DLG2: variants seen among roughly 807,000 people sequenced by gnomAD.
The protein encoded by DLG2 is disks large homolog 2.
In DLG2, 45 loss-of-function variants were observed where a neutral mutation model predicts 132.5. The observed-to-expected ratio is 0.34, with a 90% CI of 0.27 to 0.44. The LOEUF is 0.44. DLG2 is among the 20% of genes least tolerant of loss of function. DLG2 has a pLI of 1.00. For missense variants in DLG2, 1,045 were observed against 1,196.9 expected, an observed-to-expected ratio of 0.87 and a Z score of 1.87; for synonymous variants, 424 against 419.6, an observed-to-expected ratio of 1.01 and a Z score of -0.13.
rs189103053 is a variant in DLG2 at position 84,748,177 on chromosome 11, C to T, written c.358-213446G>A. Among the ~76,000 whole-genome samples the T allele has an allele frequency of 2.7e-4, 41 of 152,280 alleles. 1 individual carries two copies. The highest frequency in any genetic ancestry group is 8.9e-4 in the African/African-American group (37 of 41,566). ...GGAAATCATGTGTGAGAAATCTGCT[C>T]TCTTTTTCAGAGACAAGGTGCATTC... On this transcript the variant is annotated intron_variant, in intron 6 of 27. Transcript: ENST00000376104.
chr11:84,373,356 G>A (rs1381911031), intron 7 of DLG2, among the ~76,000 whole-genome samples: 1 of 149,964 alleles, frequency 6.7e-6, no homozygotes, highest in African/African-American at 2.5e-5. Context: ...GATCACCTAA[G>A]CTCAGGAGTT....
chr11:84,029,369 G>A (rs2095628566), intron 11 of DLG2, among the ~76,000 whole-genome samples: 1 of 151,770 alleles, frequency 6.6e-6, no homozygotes, highest in African/African-American at 2.4e-5. Flanking sequence ...AGAAGCAAAG[G>A]ACACATCATC....
chr11:84,363,747 G>A (rs1600679329), intron 7 of DLG2, among the ~76,000 whole-genome samples: 1 of 151,434 alleles, frequency 6.6e-6, no homozygotes, highest in Non-Finnish European at 1.5e-5. Flanking sequence ...AGTTTTCCCA[G>A]CACCATTTAT....
chr11:84,814,846 A>G (rs962354097), intron 6 of DLG2, among the ~76,000 whole-genome samples: 1 of 152,096 alleles, frequency 6.6e-6, no homozygotes, highest in African/African-American at 2.4e-5. Flanking sequence ...ATATGGAAAG[A>G]GGTTATTTGC....
At chr11:83,903,239 C>T (rs61901820) in intron 15 of DLG2, among the ~76,000 whole-genome samples, 30,088 of 151,548 alleles carry the variant, frequency 0.2, 3,116 homozygotes, top group East Asian at 0.35. Flanking sequence ...AGTAAACTCC[C>T]TAATAATTAG....
chr11:85,583,915 T>G (rs1303696883), intron 3 of DLG2, among the ~76,000 whole-genome samples: 2 of 152,302 alleles, frequency 1.3e-5, no homozygotes, highest in Admixed American at 6.5e-5. Flanking sequence ...TTTTAATGTG[T>G]TTATGATTTT....
At chr11:85,111,635 G>C in intron 6 of DLG2, 26 bp downstream of exon 6, 1 of 1,513,846 alleles carries the variant, frequency 6.6e-7, no homozygotes, top group Non-Finnish European at 8.9e-7. Context: ...CCTTCAATCT[G>C]CTAATCTTGG....
chr11:83,926,662 A>T (rs1237890376), intron 15 of DLG2, among the ~76,000 whole-genome samples: 1 of 152,164 alleles, frequency 6.6e-6, no homozygotes, highest in Non-Finnish European at 1.5e-5. Context: ...AGGTGTAATA[A>T]GACGTAGACT....
chr11:83,668,715 GTGTATATAAACACATATATA>G (rs1306992102), intron 18 of DLG2, among the ~76,000 whole-genome samples: 33 of 98,834 alleles, frequency 3.3e-4, no homozygotes, highest in Admixed American at 6.9e-4. Flanking sequence ...ACATATATAT[GTGTATATAAACACATATATA>G]TGTGTATATA....
intron 14 of DLG2, among the ~76,000 whole-genome samples, chr11:83,954,867 T>G (rs906894059): frequency 1.3e-5 from 2 of 152,206 alleles, no homozygotes; most frequent in African/African-American, 2.4e-5. Context: ...TCATAAAAAT[T>G]AAGATTCTCA....
At chr11:83,484,034 G>C in intron 22 of DLG2, 95 bp downstream of exon 22, 2 of 961,794 alleles carry the variant, frequency 2.1e-6, no homozygotes, top group South Asian at 2.6e-5. Flanking sequence ...TGTTTGCCTA[G>C]GTGTGTGGCG....
At chr11:84,176,934 CTTTTA>C (rs752995444) in intron 8 of DLG2, among the ~76,000 whole-genome samples, 55 of 150,176 alleles carry the variant, frequency 3.7e-4, no homozygotes, top group Middle Eastern at 3.2e-3. Context: ...CTTTTCTTTT[CTTTTA>C]TTTTCTTTCT....
chr11:83,574,529 T>C (rs1486276829), intron 19 of DLG2, among the ~76,000 whole-genome samples: 1 of 152,200 alleles, frequency 6.6e-6, no homozygotes, highest in Non-Finnish European at 1.5e-5. Context: ...ATTTCTCAAG[T>C]CACCTTTGTA....
At chr11:85,393,607 T>C (rs1596843682) in intron 3 of DLG2, among the ~76,000 whole-genome samples, 1 of 131,590 alleles carries the variant, frequency 7.6e-6, no homozygotes, top group South Asian at 2.3e-4. Context: ...AAATGTGGTA[T>C]ATATATATAT....
chr11:85,445,955 GC>G (rs1243184473), intron 3 of DLG2, among the ~76,000 whole-genome samples: 3 of 152,050 alleles, frequency 2.0e-5, no homozygotes, highest in Admixed American at 6.6e-5. Flanking sequence ...GAAATTTTAG[GC>G]ACAGAGATAT....
At chr11:84,197,599 A>G (rs2096538869) in intron 8 of DLG2, among the ~76,000 whole-genome samples, 1 of 152,210 alleles carries the variant, frequency 6.6e-6, no homozygotes, top group Non-Finnish European at 1.5e-5. Flanking sequence ...GTGCCTAAGC[A>G]GAAGGTATTT....
chr11:83,526,085 G>A (rs1452734712), intron 21 of DLG2, among the ~76,000 whole-genome samples: 1 of 152,122 alleles, frequency 6.6e-6, no homozygotes, highest in African/African-American at 2.4e-5. Context: ...TTGATTTTGG[G>A]AGTTTGCTAT....
In DLG2 at chr11:84,703,857, G is replaced by GATATATATATATATATATATAT. The variant is rs5793132; in HGVS notation, c.358-169148_358-169127dup. On this transcript the variant is annotated intron_variant, in intron 6 of 27. Transcript: ENST00000376104. Reference sequence around the variant, plus strand: ...AATAATGCTAAAACTATGTAGTGAAGATATATATATATATATATATATATA... The same window carrying GATATATATATATATATATATAT: ...AATAATGCTAAAACTATGTAGTGAAGATATATATATATATATATATATATATATATATATATATATATATATA... Among the ~76,000 whole-genome samples the GATATATATATATATATATATAT allele has an allele frequency of 3.0e-3, 312 of 102,564 alleles. 2 individuals are homozygous for GATATATATATATATATATATAT. Among genetic ancestry groups the GATATATATATATATATATATAT allele is most frequent in the South Asian group, 6.0e-3 (17 of 2,834 alleles). 67.3% of individuals were successfully genotyped at this position (102,564 alleles called of 152,430 possible). A position where few individuals can be genotyped will look rare whatever the true frequency, so the allele number is the denominator to read the frequency against.
At chr11:84,993,093 C>T (rs1454350545) in intron 6 of DLG2, among the ~76,000 whole-genome samples, 1 of 152,086 alleles carries the variant, frequency 6.6e-6, no homozygotes, top group African/African-American at 2.4e-5. Flanking sequence ...TACTATGCAA[C>T]CATAAAAAAG....
Sources: allele counts gnomAD v4.1 joint callset (sites outside exome capture counted in the v4.1 genomes callset), GRCh38; gene constraint gnomAD v4.1.1; transcripts MANE v1.5; gene names NCBI Gene and HGNC (gene_info 2026-07-23, HGNC 2026-07-21).